ATP1A3: variants seen among roughly 807,000 people sequenced by gnomAD.
The protein encoded by ATP1A3 is ATPase Na+/K+ transporting subunit alpha 3.
In ATP1A3, 12 loss-of-function variants were observed where a neutral mutation model predicts 108.8. The observed-to-expected ratio is 0.11, with a 90% CI of 0.07 to 0.18. The LOEUF (loss-of-function observed/expected upper bound fraction) is 0.18, where lower values mean the gene tolerates loss of function less well. Ranked by LOEUF, ATP1A3 falls within the 10% of genes least tolerant of loss-of-function variation. The pLI is 1.00. For synonymous variants in ATP1A3, 539 were observed against 564.5 expected, an observed-to-expected ratio of 0.95 and a Z score of 0.64; for missense variants, 498 against 1,387.7, an observed-to-expected ratio of 0.36 and a Z score of 10.19.
In ATP1A3 at chr19:41,971,050, G is replaced by C. The variant is rs142431679; in HGVS notation, c.2264-508C>G. 2.2e-3 allele frequency among the ~76,000 whole-genome samples: 332 copies of C among 151,738 alleles called. 3 individuals are homozygous for C. Among genetic ancestry groups the C allele is most frequent in the African/African-American group, 7.3e-3 (303 of 41,334 alleles). ...CATGATCACGGCTCACTGCAACCTC[G>C]ACTCCCAGGCTCAAGTGATCCTCCT... On this transcript the variant is annotated intron_variant, in intron 16 of 22. Coordinates refer to ENST00000648268, the MANE Select transcript of ATP1A3 (RefSeq NM_152296.5).
rs150785666 is a variant in ATP1A3 at position 41,981,552 on chromosome 19, G to A, written c.1387C>T (p.Arg463Cys). Reference sequence around the variant, plus strand: ...GGAATCTCAGCCACTTTCTTGTTGCGTTCACGCATCAGCTTCACGGAGCCA... The same window carrying A: ...GGAATCTCAGCCACTTTCTTGTTGCATTCACGCATCAGCTTCACGGAGCCA... ...SSGSVKLMRE[R>C]NKKVAEIPFN... Residue 463 changes from arginine to cysteine, a missense_variant, in exon 11 of 23, where the codon CGC becomes TGC. Coordinates refer to ENST00000648268, the MANE Select transcript of ATP1A3 (RefSeq NM_152296.5). This position sits in a 1 kb window ranked among gnomAD's most constrained non-coding sequence, Gnocchi z 5.0. 1,044 of 1,614,084 alleles carry A rather than the reference G, an allele frequency of 6.5e-4. 2 individuals carry two copies. Among genetic ancestry groups the A allele is most frequent in the Non-Finnish European group, 8.1e-4 (954 of 1,180,050 alleles).
chr19:41,992,699 CTCTG>C (rs1226493061), intron 1 of ATP1A3, among the ~76,000 whole-genome samples: 1 of 151,476 alleles, frequency 6.6e-6, no homozygotes, highest in East Asian at 2.0e-4. Flanking sequence ...CTCTGCTTGT[CTCTG>C]TCTCTTTGTC....
intron 16 of ATP1A3, 54 bp downstream of exon 16, chr19:41,975,575 T>C: frequency 6.2e-7 from 1 of 1,609,516 alleles, no homozygotes; most frequent in South Asian, 1.1e-5. Context: ...CCCTTGCTGG[T>C]CTCAGGCCTC....
intron 16 of ATP1A3, among the ~76,000 whole-genome samples, chr19:41,972,813 G>GGAAA (rs1555860197): frequency 9.8e-6 from 1 of 101,610 alleles, no homozygotes; most frequent in African/African-American, 6.1e-5. Context: ...GGGGAAGGAA[G>GGAAA]GAAGGAAGGA....
Position 41,988,190 on chromosome 19 carries a change from C to G in ATP1A3, c.154-51G>C. 1 of 1,613,364 alleles carries G rather than the reference C, an allele frequency of 6.2e-7. No homozygotes were observed. The highest frequency in any genetic ancestry group is 8.5e-7 in the Non-Finnish European group (1 of 1,179,368). ...ACCCTCCCTGGGCAACCCTGGCACC[C>G]CAGGCCTTCACCAGACCCCCAGAAC... On this transcript the variant is annotated intron_variant, in intron 3 of 22. Coordinates refer to ENST00000648268, the MANE Select transcript of ATP1A3 (RefSeq NM_152296.5). The surrounding 1 kb of genome is among the most constrained non-coding windows in gnomAD (Gnocchi z 5.3).
chr19:41,985,444 G>A lies in ATP1A3; in HGVS notation c.607-21C>T. The A allele has an allele frequency of 6.2e-7, 1 of 1,603,596 alleles. No individual in the cohort carries two copies. The highest frequency in any genetic ancestry group is 8.5e-7 in the Non-Finnish European group (1 of 1,170,400). ...TCCACCTGGGGGTAGGTGCAGCAGA[G>A]AGAGGGTTCAGTCCAGGGCCTGGGA... On this transcript the variant is annotated intron_variant, in intron 6 of 22. Transcript: ENST00000648268. This position sits in a 1 kb window ranked among gnomAD's most constrained non-coding sequence, Gnocchi z 8.2.
chr19:41,970,306 G>C lies in ATP1A3; in HGVS notation c.2421C>G (p.Val807=). 6.2e-7 allele frequency: 1 copy of C among 1,614,102 alleles called. No individual in the cohort carries two copies. The highest frequency in any genetic ancestry group is 8.5e-7 in the Non-Finnish European group (1 of 1,180,022). Residue 807 remains valine, a splice_region_variant and synonymous_variant, in exon 18 of 23, where the codon GTC becomes GTG. Coordinates refer to ENST00000648268, the MANE Select transcript of ATP1A3 (RefSeq NM_152296.5). ...ILCIDLGTDM[V]PAISLAYEAA... ...CCTCGTACGCCAGTGAGATGGCAGG[G>C]ACCTAGGCGGAGGAGGCCGGGTGAG...
intron 18 of ATP1A3, among the ~76,000 whole-genome samples, chr19:41,969,866 T>C (rs1369974494): frequency 6.6e-6 from 1 of 152,236 alleles, no homozygotes; most frequent in African/African-American, 2.4e-5. Context: ...TCATGAATTC[T>C]TGGGGGATCC....
intron 8 of ATP1A3, among the ~76,000 whole-genome samples, chr19:41,982,494 T>C (rs1555863917): frequency 1.3e-5 from 2 of 151,958 alleles, no homozygotes; most frequent in African/African-American, 2.4e-5. Context: ...GGCATGATGG[T>C]ACACTCCTGT....
At chr19:41,987,820 T>G in intron 4 of ATP1A3, 116 bp downstream of exon 4, 1 of 1,324,166 alleles carries the variant, frequency 7.6e-7, no homozygotes, top group Non-Finnish European at 1.1e-6. Flanking sequence ...GTGAGTTAGA[T>G]GGGAAAAAGG....
At chr19:41,982,356 T>TG (rs1280907365) in intron 8 of ATP1A3, among the ~76,000 whole-genome samples, 1 of 152,190 alleles carries the variant, frequency 6.6e-6, no homozygotes, top group African/African-American at 2.4e-5. Context: ...CCAGGTGCAG[T>TG]GGCTCACGCC....
chr19:41,985,294 C>T lies in ATP1A3; in HGVS notation c.724+12G>A, dbSNP rs781868040. On this transcript the variant is annotated intron_variant, in intron 7 of 22. Coordinates refer to ENST00000648268, the MANE Select transcript of ATP1A3 (RefSeq NM_152296.5). The surrounding 1 kb of genome is among the most constrained non-coding windows in gnomAD (Gnocchi z 8.2). The stretch of plus-strand genomic sequence containing the variant: ...CTGCCCCAGCTGTGTGTCTTCTCTG[C>T]ACCCGCCTCACCTTCCACACAGTTG... 1.9e-6 allele frequency: 3 copies of T among 1,614,008 alleles called. No homozygotes were observed. Among genetic ancestry groups the T allele is most frequent in the Non-Finnish European group, 2.5e-6 (3 of 1,179,868 alleles).
At chr19:41,970,910 G>A (rs994750445) in intron 16 of ATP1A3, among the ~76,000 whole-genome samples, 2 of 151,848 alleles carry the variant, frequency 1.3e-5, no homozygotes, top group Admixed American at 6.6e-5. Context: ...GGGATTACAG[G>A]CGTGAGCCAC....
intron 16 of ATP1A3, among the ~76,000 whole-genome samples, chr19:41,972,883 C>G (rs1555860261): frequency 9.8e-6 from 1 of 101,610 alleles, no homozygotes; most frequent in African/African-American, 4.6e-5. Flanking sequence ...GGCAGGCAGG[C>G]AGGGACGGAG....
intron 11 of ATP1A3, among the ~76,000 whole-genome samples, chr19:41,980,246 A>T (rs1265438358): frequency 1.3e-5 from 2 of 152,198 alleles, no homozygotes; most frequent in African/African-American, 2.4e-5. Context: ...GGGTGACTTC[A>T]CCATGTCACT....
chr19:41,967,561 G>C lies in ATP1A3; in HGVS notation c.2921+101C>G. 7.6e-7 allele frequency: 1 copy of C among 1,311,388 alleles called. No homozygotes were observed. The highest frequency in any genetic ancestry group is 1.1e-6 in the Non-Finnish European group (1 of 930,712). The allele number at this position is 1,311,388 out of a possible 1,614,324, so 81.2% of individuals were successfully genotyped here. A position where few individuals can be genotyped will look rare whatever the true frequency, so the allele number is the denominator to read the frequency against. ...GGCATCAGAATGGGGACTGCAGTGG[G>C]GACACCAGGGGAGGTGGGGCCTGAG... On this transcript the variant is annotated intron_variant, in intron 21 of 22. Transcript: ENST00000648268. This position sits in a 1 kb window ranked among gnomAD's most constrained non-coding sequence, Gnocchi z 4.2.
At chr19:41,970,885 G>A (rs2075099511) in intron 16 of ATP1A3, among the ~76,000 whole-genome samples, 1 of 151,830 alleles carries the variant, frequency 6.6e-6, no homozygotes, top group African/African-American at 2.4e-5. Flanking sequence ...GCCCTCCTCG[G>A]CCTCCTGAAG....
At position 41,968,834 on chromosome 19, in the gene ATP1A3, G is replaced by A; in HGVS notation, c.2770C>T (p.Leu924=). Residue 924 remains leucine, a synonymous_variant, in exon 20 of 23, where the codon CTG becomes TTG. Transcript: ENST00000648268. This position sits in a 1 kb window ranked among gnomAD's most constrained non-coding sequence, Gnocchi z 5.0. ...TTCCTCCGGGTCTTGCAGATGATCA[G>A]ATCGGCCCACTGGACGACAACGATG... ...VSIVVVQWAD[L]IICKTRRNSV... The A allele has an allele frequency of 1.2e-6, 2 of 1,614,156 alleles. No individual in the cohort carries two copies. The highest frequency in any genetic ancestry group is 1.3e-5 in the African/African-American group (1 of 75,050).
At chr19:41,979,064 A>G (rs1362670904) in intron 11 of ATP1A3, among the ~76,000 whole-genome samples, 2 of 149,832 alleles carry the variant, frequency 1.3e-5, no homozygotes, top group East Asian at 2.0e-4. Context: ...GTGCAGTGGC[A>G]CGATCTCAGC....
Sources: allele counts gnomAD v4.1 joint callset (sites outside exome capture counted in the v4.1 genomes callset), GRCh38; gene constraint gnomAD v4.1.1; non-coding constraint Gnocchi (gnomAD v3.1); transcripts MANE v1.5; gene names NCBI Gene and HGNC (gene_info 2026-07-23, HGNC 2026-07-21).